Variants in DGKB observed in about 807,000 individuals in gnomAD.
DGKB encodes the protein 90 kDa diacylglycerol kinase.
A neutral mutation model predicts 114.3 loss-of-function variants in DGKB; 67 were observed. The observed-to-expected ratio is 0.59, with a 90% CI of 0.48 to 0.72. The LOEUF (loss-of-function observed/expected upper bound fraction) is 0.72. Among genes scored for constraint, DGKB ranks in the 30% least tolerant of loss-of-function variants. The probability of loss-of-function intolerance (pLI) is 0.00; values close to 1 mark genes in which losing one functional copy is unlikely to be tolerated. For synonymous variants in DGKB, 398 were observed against 323.1 expected, an observed-to-expected ratio of 1.23 and a Z score of -2.49; for missense variants, 907 against 975.2, an observed-to-expected ratio of 0.93 and a Z score of 0.93.
In DGKB at chr7:14,808,151, T is replaced by C. The variant is rs73070752; in HGVS notation, c.70+33043A>G. On this transcript the variant is annotated intron_variant, in intron 2 of 25. Transcript: ENST00000402815. ...AGAAGTACTGCAAATTGTTGTTTTA[T>C]TATAGACTAACAAGTCTTTTGTAAG... Among the ~76,000 whole-genome samples, 232 of 152,164 alleles carry C rather than the reference T, an allele frequency of 1.5e-3. 1 individual carries two copies. In the Middle Eastern group the frequency reaches 0.017, roughly 11 times the overall value.
chr7:14,388,608 G>T (rs918476475), intron 21 of DGKB, among the ~76,000 whole-genome samples: 3 of 151,778 alleles, frequency 2.0e-5, no homozygotes, highest in African/African-American at 7.2e-5. Context: ...GGCAGGAAGA[G>T]AAATTCTTAT....
At chr7:14,468,223 G>A (rs1021301367) in intron 21 of DGKB, among the ~76,000 whole-genome samples, 1 of 152,022 alleles carries the variant, frequency 6.6e-6, no homozygotes, top group Non-Finnish European at 1.5e-5. Flanking sequence ...CATCAAAGGG[G>A]AAGAAAATTC....
At chr7:14,235,576 G>GTAAA (rs1792632152) in intron 23 of DGKB, among the ~76,000 whole-genome samples, 1 of 151,948 alleles carries the variant, frequency 6.6e-6, no homozygotes, top group Non-Finnish European at 1.5e-5. Flanking sequence ...ATGTAGTTTT[G>GTAAA]TAAATAAAAA....
At chr7:14,913,851 T>C (rs780546421) in intron 1 of DGKB, among the ~76,000 whole-genome samples, 9 of 152,130 alleles carry the variant, frequency 5.9e-5, no homozygotes, top group Non-Finnish European at 1.3e-4. Flanking sequence ...TAACTTTTCT[T>C]AGGTTAATCA....
At chr7:14,950,153 C>T (rs1786108112) in intron 1 of DGKB, among the ~76,000 whole-genome samples, 2 of 151,398 alleles carry the variant, frequency 1.3e-5, no homozygotes, top group African/African-American at 2.4e-5. Flanking sequence ...AAGAGAAAAT[C>T]CAACATGCTG....
chr7:14,786,519 G>C (rs1839919391), intron 2 of DGKB, among the ~76,000 whole-genome samples: 1 of 152,202 alleles, frequency 6.6e-6, no homozygotes, highest in Non-Finnish European at 1.5e-5. Context: ...CTGGAGCCGG[G>C]GGGAACCAGG....
At chr7:14,176,622 C>T in intron 25 of DGKB, 1 of 1,283,258 alleles carries the variant, frequency 7.8e-7, no homozygotes, top group Non-Finnish European at 9.9e-7. Flanking sequence ...TATACTTAGG[C>T]TAACACAAAC....
chr7:14,867,404 T>C (rs933123548), intron 1 of DGKB, among the ~76,000 whole-genome samples: 1 of 151,510 alleles, frequency 6.6e-6, no homozygotes. Context: ...GTGAAGAATG[T>C]AAGGTCTATG....
intron 1 of DGKB, among the ~76,000 whole-genome samples, chr7:14,899,136 C>T (rs762189523): frequency 5.3e-5 from 8 of 152,142 alleles, no homozygotes; most frequent in Non-Finnish European, 8.8e-5. Context: ...GTCTCTGTAA[C>T]ACTTCACATT....
chr7:14,891,093 CCATACTGAT>C (rs1416742769), intron 1 of DGKB, among the ~76,000 whole-genome samples: 1 of 151,254 alleles, frequency 6.6e-6, no homozygotes, highest in East Asian at 1.9e-4. Flanking sequence ...TCAGTACAAA[CCATACTGAT>C]AAATGGACCA....
At chr7:14,304,493 G>T (rs1050085135) in intron 23 of DGKB, among the ~76,000 whole-genome samples, 1 of 152,098 alleles carries the variant, frequency 6.6e-6, no homozygotes. Context: ...GCCTCAGAAG[G>T]CTAGGTAATG....
At chr7:14,725,308 C>G (rs1275570852) in intron 5 of DGKB, among the ~76,000 whole-genome samples, 1 of 152,014 alleles carries the variant, frequency 6.6e-6, no homozygotes, top group Non-Finnish European at 1.5e-5. Flanking sequence ...TAGTGGCTAC[C>G]ATATCAGGTT....
chr7:14,725,399 G>T (rs547982244), intron 5 of DGKB, among the ~76,000 whole-genome samples: 1 of 152,078 alleles, frequency 6.6e-6, no homozygotes, highest in African/African-American at 2.4e-5. Context: ...ATATAAGTAT[G>T]GGACAAAAAT....
intron 1 of DGKB, among the ~76,000 whole-genome samples, chr7:14,920,122 C>T (rs1235120478): frequency 6.6e-6 from 1 of 151,974 alleles, no homozygotes; most frequent in Non-Finnish European, 1.5e-5. Flanking sequence ...AGATACACTG[C>T]CAAAAGTGAA....
chr7:14,207,662 A>C (rs922073762), intron 23 of DGKB, among the ~76,000 whole-genome samples: 5 of 152,034 alleles, frequency 3.3e-5, no homozygotes, highest in African/African-American at 1.2e-4. Flanking sequence ...CCCACAAATG[A>C]GAGTGGATTC....
At chr7:14,859,058 G>T (rs1323405886) in intron 1 of DGKB, among the ~76,000 whole-genome samples, 2 of 152,122 alleles carry the variant, frequency 1.3e-5, no homozygotes. Flanking sequence ...GAAAGAGGAA[G>T]TGGAATCAAA....
intron 23 of DGKB, among the ~76,000 whole-genome samples, chr7:14,241,086 T>G (rs531038821): frequency 6.6e-6 from 1 of 152,292 alleles, no homozygotes; most frequent in South Asian, 2.1e-4. Flanking sequence ...AATTGTGTTC[T>G]GGCCTAGATT....
chr7:14,675,194 G>A (rs924411898), intron 12 of DGKB, among the ~76,000 whole-genome samples: 1 of 152,088 alleles, frequency 6.6e-6, no homozygotes, highest in Non-Finnish European at 1.5e-5. Context: ...TGATTACAGT[G>A]TAAAGCTAAA....
chr7:14,660,903 A>G (rs1419994514), intron 13 of DGKB, among the ~76,000 whole-genome samples: 1 of 151,816 alleles, frequency 6.6e-6, no homozygotes, highest in Non-Finnish European at 1.5e-5. Context: ...AATGCCACAT[A>G]TCTACAACTA....
Sources: gnomAD v4.1 joint callset for allele counts (sites outside exome capture counted in the v4.1 genomes callset) on GRCh38, gnomAD v4.1.1 for gene constraint, MANE v1.5 for transcripts, NCBI Gene and HGNC (gene_info 2026-07-23, HGNC 2026-07-21) for gene names.